The following CXCR4 variants were observed in gnomAD, a reference collection of about 807,000 sequenced individuals.
CXCR4 encodes C-X-C chemokine receptor type 4.
A neutral mutation model predicts 22.4 loss-of-function variants in CXCR4; 6 were observed. That is an observed-to-expected ratio of 0.27 (90% CI 0.15 to 0.53). The LOEUF is 0.53. Ranked by LOEUF, CXCR4 falls within the 20% of genes least tolerant of loss-of-function variation. CXCR4 has a pLI of 0.96. For missense variants in CXCR4, 300 were observed against 430.4 expected, an observed-to-expected ratio of 0.70 and a Z score of 2.68; for synonymous variants, 155 against 171.7, an observed-to-expected ratio of 0.90 and a Z score of 0.76.
rs2104916946 is a variant in CXCR4, at chr2:136,115,367, G to C, written c.561C>G (p.Asp187Glu). The change falls in exon 2 of 2, where the codon GAC (aspartate) becomes GAG (glutamate). Residue 187 changes from aspartate (D) to glutamate (E), a missense_variant. Physicochemically the swap from Asp to Glu is conservative, Grantham distance 45. This residue lies in a region of CXCR4 where 137 missense variants were observed against 153.2 expected (regional missense o/e 0.89). Coordinates refer to ENST00000241393, the MANE Select transcript of CXCR4 (RefSeq NM_003467.3). The surrounding 1 kb of genome is among the most constrained non-coding windows in gnomAD (Gnocchi z 6.4). ...CCCACAAGTCATTGGGGTAGAAGCG[G>C]TCACAGATATATCTGTCATCTGCCT... ...VSEADDRYIC[D>E]RFYPNDLWVV... is the part of the protein sequence containing the mutation. 2 of 1,614,216 alleles carry C rather than the reference G, an allele frequency of 1.2e-6. No individual in the cohort carries two copies. The highest frequency in any genetic ancestry group is 8.5e-7 in the Non-Finnish European group (1 of 1,180,052).
chr2:136,114,620 A>G lies in CXCR4; in HGVS notation c.*249T>C. On this transcript the variant is annotated 3_prime_UTR_variant, in exon 2 of 2. Coordinates refer to ENST00000241393, the MANE Select transcript of CXCR4 (RefSeq NM_003467.3). Reference sequence around the variant, plus strand: ...TCTGGAATGTTCAGTTCCCTTTTCTACAGTCCTACCACGAGACATACAGCA... The same window carrying G: ...TCTGGAATGTTCAGTTCCCTTTTCTGCAGTCCTACCACGAGACATACAGCA... 2 of 387,850 alleles carry G rather than the reference A, an allele frequency of 5.2e-6. No homozygotes were observed. The highest frequency in any genetic ancestry group is 3.5e-5 in the South Asian group (1 of 28,256). 24.0% of individuals were successfully genotyped at this position (387,850 alleles called of 1,614,324 possible).
chr2:136,116,929 G>A (rs1336697441), intron 1 of CXCR4, among the ~76,000 whole-genome samples: 1 of 152,224 alleles, frequency 6.6e-6, no homozygotes, highest in African/African-American at 2.4e-5. Context: ...GGGCTCCGCT[G>A]GGCGACACGC....
chr2:136,117,307 G>A (rs542730277), intron 1 of CXCR4, among the ~76,000 whole-genome samples: 1 of 152,056 alleles, frequency 6.6e-6, no homozygotes, highest in African/African-American at 2.4e-5. Context: ...TCGAACTGCA[G>A]GACCCACTCG....
intron 1 of CXCR4, among the ~76,000 whole-genome samples, chr2:136,117,278 T>G (rs1684924753): frequency 6.6e-6 from 1 of 152,066 alleles, no homozygotes; most frequent in African/African-American, 2.4e-5. Flanking sequence ...TCCGCTGACC[T>G]CTGCACGACC....
In CXCR4 at chr2:136,114,822, TAAAAA is replaced by T; in HGVS notation, c.*42_*46del. 2 of 1,514,028 alleles carry T rather than the reference TAAAAA, an allele frequency of 1.3e-6. No homozygotes were observed. The highest frequency in any genetic ancestry group is 9.0e-7 in the Non-Finnish European group (1 of 1,112,034). 93.8% of individuals were successfully genotyped at this position (1,514,028 alleles called of 1,614,324 possible). On this transcript the variant is annotated 3_prime_UTR_variant, in exon 2 of 2. Coordinates refer to ENST00000241393, the MANE Select transcript of CXCR4 (RefSeq NM_003467.3). ...TTTTATATCTGAAAAATGTGTAACT[TAAAAA>T]AAAGTTATTTATCGTATAAAAAAAA...
At chr2:136,117,804 A>C in intron 1 of CXCR4, 1 of 505,550 alleles carries the variant, frequency 2.0e-6, no homozygotes, top group Non-Finnish European at 3.5e-6. Context: ...AGACACATGC[A>C]GCCACTGGAA....
chr2:136,115,887 T>A lies in CXCR4; in HGVS notation c.41A>T (p.Glu14Val), dbSNP rs1360656571. 1 of 1,614,204 alleles carries A rather than the reference T, an allele frequency of 6.2e-7. No individual in the cohort carries two copies. Among genetic ancestry groups the A allele is most frequent in the South Asian group, 1.1e-5 (1 of 91,086 alleles). The change falls in exon 2 of 2, where the codon GAG becomes GTG. Residue 14 changes from glutamate to valine, a missense_variant. Physicochemically the swap from Glu to Val is moderately radical, Grantham distance 121 (BLOSUM62 -2). This residue lies in a region of CXCR4 where 118 missense variants were observed against 188.2 expected (regional missense o/e 0.63). Transcript: ENST00000241393. The surrounding 1 kb of genome is among the most constrained non-coding windows in gnomAD (Gnocchi z 6.4). ...GTCATAGTCCCCTGAGCCCATTTCC[T>A]CGGTGTAGTTATCTGAAGTGTATAT... ...ISIYTSDNYTEEMGSGDYDSM... is the reference protein window; with the variant it reads ...ISIYTSDNYTVEMGSGDYDSM...
chr2:136,114,800 T>C lies in CXCR4; in HGVS notation c.*69A>G. ...AACTGTACAATATTGGTCAGTCTTT[T>C]ATATCTGAAAAATGTGTAACTTAAA... On this transcript the variant is annotated 3_prime_UTR_variant, in exon 2 of 2. Coordinates refer to ENST00000241393, the MANE Select transcript of CXCR4 (RefSeq NM_003467.3). 4 of 1,400,354 alleles carry C rather than the reference T, an allele frequency of 2.9e-6. No individual in the cohort carries two copies. The South Asian group carries it at 5.0e-5, about 17-fold the overall frequency. 86.7% of individuals were successfully genotyped at this position (1,400,354 alleles called of 1,614,324 possible). A position where few individuals can be genotyped will look rare whatever the true frequency, so the allele number is the denominator to read the frequency against.
At chr2:136,117,919 C>A in intron 1 of CXCR4, 127 bp downstream of exon 1, 1 of 476,914 alleles carries the variant, frequency 2.1e-6, no homozygotes, top group Admixed American at 3.0e-5. Flanking sequence ...AAACTCCTTT[C>A]GGTGACCCTT....
intron 1 of CXCR4, among the ~76,000 whole-genome samples, chr2:136,117,082 T>C (rs1454655805): frequency 6.6e-6 from 1 of 152,146 alleles, no homozygotes; most frequent in Admixed American, 6.5e-5. Context: ...CGGTTAAACA[T>C]CACAACTGGA....
intron 1 of CXCR4, chr2:136,117,751 C>G (rs539162376): frequency 4.8e-6 from 2 of 416,284 alleles, no homozygotes; most frequent in East Asian, 4.8e-5. Context: ...CTTACGTTTG[C>G]AAACAGCGTG....
At chr2:136,116,677 C>G (rs1029588088) in intron 1 of CXCR4, among the ~76,000 whole-genome samples, 2 of 152,176 alleles carry the variant, frequency 1.3e-5, no homozygotes, top group African/African-American at 4.8e-5. Context: ...CGTTAGGGAG[C>G]GGGGCATTTT....
intron 1 of CXCR4, chr2:136,117,764 A>C: frequency 2.3e-6 from 1 of 437,840 alleles, no homozygotes. Flanking sequence ...ACAGCGTGCA[A>C]GCCGCCGCGC....
chr2:136,118,012 C>A, intron 1 of CXCR4, 34 bp downstream of exon 1: 1 of 1,611,736 alleles, frequency 6.2e-7, no homozygotes, highest in Non-Finnish European at 8.5e-7. Flanking sequence ...AACGTTTGTA[C>A]ATTTATGACA....
Position 136,118,135 on chromosome 2 carries a change from C to G in CXCR4, c.-75G>C, listed in dbSNP as rs1684972177. On this transcript the variant is annotated 5_prime_UTR_variant, in exon 1 of 2. Transcript: ENST00000241393. ...TCGGCGTCACTTTGCTACCTGCTGC[C>G]GCAGCCAACAAACTGAAGTTTCTGG... 4.0e-6 allele frequency: 6 copies of G among 1,498,612 alleles called. No individual in the cohort carries two copies. Among genetic ancestry groups the G allele is most frequent in the East Asian group, 4.5e-5 (2 of 44,016 alleles). 92.8% of individuals were successfully genotyped at this position (1,498,612 alleles called of 1,614,324 possible).
chr2:136,115,436 G>A lies in CXCR4; in HGVS notation c.492C>T (p.Ala164=), dbSNP rs750698397. ...TGAAGTCGGGAATAGTCAGCAGGAG[G>A]GCAGGGATCCAGACGCCAACATAGA... ...KVVYVGVWIP[A]LLLTIPDFIF... is the part of the protein sequence containing the mutation. The change falls in exon 2 of 2, where the codon GCC becomes GCT. Residue 164 remains alanine (A), a synonymous_variant. Transcript: ENST00000241393. The surrounding 1 kb of genome is among the most constrained non-coding windows in gnomAD (Gnocchi z 6.4). The A allele has an allele frequency of 6.2e-7, 1 of 1,614,170 alleles. No individual in the cohort carries two copies. The highest frequency in any genetic ancestry group is 1.7e-5 in the Admixed American group (1 of 60,026).
chr2:136,117,870 C>CG, intron 1 of CXCR4, 176 bp downstream of exon 1: 2 of 138,108 alleles, frequency 1.4e-5, no homozygotes, highest in South Asian at 2.6e-4. Flanking sequence ...CAATCCTGCT[C>CG]CCCCCCCACC....
intron 1 of CXCR4, 174 bp downstream of exon 1, chr2:136,117,872 C>CG: frequency 7.3e-6 from 1 of 137,488 alleles, no homozygotes; most frequent in South Asian, 2.4e-4. Flanking sequence ...ATCCTGCTCC[C>CG]CCCCCACCCA....
rs1684968738 is a variant in CXCR4 at position 136,118,054 on chromosome 2, C to T, written c.7G>A (p.Gly3Arg). ME[G>R]ISIYTSDNYT... is the part of the protein sequence containing the mutation. ...GTTGAAACTGGACTTACACTGATCC[C>T]CTCCATGGTAACCGCTGGTTCTCCA... Residue 3 changes from glycine (G) to arginine (R), a missense_variant, in exon 1 of 2, where the codon GGG (glycine) becomes AGG (arginine). Around this residue, in one of 3 missense-constraint regions of CXCR4, gnomAD observed 118 missense variants for 188.2 expected, o/e 0.63. Coordinates refer to ENST00000241393, the MANE Select transcript of CXCR4 (RefSeq NM_003467.3). The T allele has an allele frequency of 6.2e-7, 1 of 1,613,868 alleles. No homozygotes were observed. The highest frequency in any genetic ancestry group is 8.5e-7 in the Non-Finnish European group (1 of 1,179,800).
Sources: gnomAD v4.1 joint callset for allele counts (sites outside exome capture counted in the v4.1 genomes callset) on GRCh38, gnomAD v4.1.1 for gene constraint, gnomAD v4.1.1 regional missense constraint, Gnocchi (gnomAD v3.1) non-coding constraint, MANE v1.5 for transcripts, NCBI Gene and HGNC (gene_info 2026-07-23, HGNC 2026-07-21) for gene names.